ACTR3C: variants seen among roughly 807,000 people sequenced by gnomAD.
ACTR3C encodes the protein actin-related protein 3C.
Under a neutral mutation model 26.3 loss-of-function variants are expected in ACTR3C, and 18 were observed. The observed-to-expected ratio is 0.68, with a 90% CI of 0.47 to 1.01. The LOEUF (loss-of-function observed/expected upper bound fraction) is 1.01, where lower values mean the gene tolerates loss of function less well. Ranked by LOEUF, ACTR3C falls within the 50% of genes least tolerant of loss-of-function variation. ACTR3C has a pLI of 0.00. For synonymous variants in ACTR3C, 55 were observed against 94.5 expected (o/e 0.58, Z 2.42); for missense variants, 184 against 250.7 (o/e 0.73, Z 1.80).
the ACTR3C span, among the ~76,000 whole-genome samples, chr7:150,096,553 A>T: frequency 5.9e-5 from 9 of 151,368 alleles, no homozygotes; most frequent in African/African-American, 2.2e-4. Flanking sequence ...AGGTCATGAC[A>T]ATCCACTCAT....
At chr7:150,029,176 C>T in the ACTR3C span, among the ~76,000 whole-genome samples, 1 of 152,048 alleles carries the variant, frequency 6.6e-6, no homozygotes, top group Non-Finnish European at 1.5e-5. Context: ...TGTTGACACC[C>T]CTAAGGGCAT....
At chr7:149,924,924 G>A in the ACTR3C span, among the ~76,000 whole-genome samples, 5,970 of 152,142 alleles carry the variant, frequency 0.039, 377 homozygotes, top group African/African-American at 0.13. Context: ...CCACTGCGCC[G>A]GGCCCAGTGA....
At chr7:150,205,579 T>TA in the ACTR3C span, among the ~76,000 whole-genome samples, 10,144 of 151,878 alleles carry the variant, frequency 0.067, 397 homozygotes, top group South Asian at 0.12. Context: ...CACACTTTTC[T>TA]AAAAAAAGCA....
the ACTR3C span, chr7:150,005,173 T>C: frequency 2.0e-5 from 3 of 152,260 alleles, no homozygotes; most frequent in African/African-American, 4.8e-5. Context: ...ATAGTATTTT[T>C]GCAACTGTTC....
At chr7:150,303,928 C>T (rs1795619707) in intron 1 of ACTR3C, among the ~76,000 whole-genome samples, 1 of 152,262 alleles carries the variant, frequency 6.6e-6, no homozygotes, top group East Asian at 1.9e-4. Flanking sequence ...AAAATTATCA[C>T]CTGGTATTGA....
chr7:150,017,876 G>T, the ACTR3C span, among the ~76,000 whole-genome samples: 32 of 150,310 alleles, frequency 2.1e-4, 1 homozygote, highest in Admixed American at 2.6e-4. Context: ...CCCTTCAATA[G>T]CTCCCACCCT....
chr7:149,906,289 G>T, the ACTR3C span, among the ~76,000 whole-genome samples: 181 of 151,668 alleles, frequency 1.2e-3, 1 homozygote, highest in Non-Finnish European at 2.2e-3. Context: ...AGAAGAGAGG[G>T]CTGATACTCA....
At chr7:150,265,299 T>G (rs1438756916) in intron 6 of ACTR3C, among the ~76,000 whole-genome samples, 4 of 152,016 alleles carry the variant, frequency 2.6e-5, no homozygotes, top group African/African-American at 2.4e-5. Flanking sequence ...CTATTATGGC[T>G]AATTTAATAC....
At chr7:150,126,631 C>A in the ACTR3C span, among the ~76,000 whole-genome samples, 1 of 152,186 alleles carries the variant, frequency 6.6e-6, no homozygotes, top group Non-Finnish European at 1.5e-5. Context: ...AGGATGCAAT[C>A]CTGCAGTGCC....
chr7:149,975,809 C>A, the ACTR3C span, among the ~76,000 whole-genome samples: 2 of 152,172 alleles, frequency 1.3e-5, no homozygotes, highest in Non-Finnish European at 2.9e-5. Flanking sequence ...AAACCATCAG[C>A]TCTCCTGAGA....
chr7:150,243,669 A>G (rs1366645909), downstream of ACTR3C, among the ~76,000 whole-genome samples: 1 of 152,140 alleles, frequency 6.6e-6, no homozygotes, highest in Non-Finnish European at 1.5e-5. Context: ...CAATCCTCCC[A>G]TATACTTTAA....
At chr7:150,135,296 A>G in the ACTR3C span, among the ~76,000 whole-genome samples, 1 of 152,212 alleles carries the variant, frequency 6.6e-6, no homozygotes, top group African/African-American at 2.4e-5. Flanking sequence ...AAAAAATAAA[A>G]TAAAAAGAAT....
chr7:150,040,789 C>G, the ACTR3C span: 1 of 146,294 alleles, frequency 6.8e-6, no homozygotes, highest in Non-Finnish European at 1.5e-5. Context: ...GCTCTCAGTC[C>G]CCGCCTTGCG....
the ACTR3C span, among the ~76,000 whole-genome samples, chr7:149,932,655 G>A: frequency 6.7e-6 from 1 of 148,734 alleles, no homozygotes; most frequent in Non-Finnish European, 1.5e-5. Flanking sequence ...AATGTTCAAT[G>A]TCTTAATTCC....
At chr7:150,239,540 C>CTATATATATATA (rs869280836), downstream of ACTR3C, among the ~76,000 whole-genome samples, 4 of 90,252 alleles carry the variant, frequency 4.4e-5, no homozygotes, top group Admixed American at 1.2e-4. Flanking sequence ...CTCTCTCTCT[C>CTATATATATATA]TATATATATA....
the ACTR3C span, among the ~76,000 whole-genome samples, chr7:150,122,447 C>T: frequency 6.6e-6 from 1 of 152,188 alleles, no homozygotes; most frequent in Non-Finnish European, 1.5e-5. Flanking sequence ...AGACACTTTT[C>T]AAATGAAGAC....
the ACTR3C span, among the ~76,000 whole-genome samples, chr7:150,236,431 C>T: frequency 2.0e-4 from 30 of 152,220 alleles, no homozygotes; most frequent in African/African-American, 7.2e-4. Flanking sequence ...TGCCCTGAAC[C>T]CAATAATATC....
chr7:150,015,618 G>C, the ACTR3C span, among the ~76,000 whole-genome samples: 1 of 152,236 alleles, frequency 6.6e-6, no homozygotes, highest in South Asian at 2.1e-4. Context: ...AACTCTAGCA[G>C]ATATGTTTCT....
chr7:150,002,482 C>A, the ACTR3C span: 1 of 152,298 alleles, frequency 6.6e-6, no homozygotes, highest in Non-Finnish European at 1.5e-5. Context: ...ACGGTGCTAA[C>A]TTTCCCTTGA....
Sources: gnomAD v4.1 joint callset for allele counts (sites outside exome capture counted in the v4.1 genomes callset) on GRCh38, gnomAD v4.1.1 for gene constraint, MANE v1.5 for transcripts, NCBI Gene and HGNC (gene_info 2026-07-23, HGNC 2026-07-21) for gene names.